The following SRGAP3 variants were observed in gnomAD, a reference collection of about 807,000 sequenced individuals.
SRGAP3 encodes SLIT-ROBO Rho GTPase activating protein 3.
A neutral mutation model predicts 121.1 loss-of-function variants in SRGAP3; 39 were observed. The ratio of observed to expected loss-of-function variants is 0.32; its 90% CI spans 0.25 to 0.42. SRGAP3 has a LOEUF of 0.42. Among genes scored for constraint, SRGAP3 ranks in the 10% least tolerant of loss-of-function variants. The pLI, the probability that SRGAP3 is intolerant of heterozygous loss-of-function variation, is 1.00. For missense variants in SRGAP3, 1,213 were observed against 1,470.6 expected (o/e 0.82, Z 2.86); for synonymous variants, 601 against 570.0 (o/e 1.05, Z -0.77).
At chr3:9,300,049 TC>T (rs1323570190) in intron 3 of SRGAP3, among the ~76,000 whole-genome samples, 1 of 150,332 alleles carries the variant, frequency 6.7e-6, no homozygotes, top group Admixed American at 6.7e-5. Flanking sequence ...GATAGCACCT[TC>T]CTCAAAGGAT....
chr3:9,170,663 A>C (rs866917137), intron 1 of SRGAP3, among the ~76,000 whole-genome samples: 21 of 152,232 alleles, frequency 1.4e-4, no homozygotes, highest in Admixed American at 2.6e-4. Flanking sequence ...TACTCCCAGC[A>C]TACCCTTTCC....
rs184692560 is a variant in SRGAP3, at chr3:9,257,861, C to T, written n.442+68149G>A. Among the ~76,000 whole-genome samples the T allele has an allele frequency of 1.4e-3, 213 of 151,972 alleles. 1 individual carries two copies. Among genetic ancestry groups the T allele is most frequent in the Non-Finnish European group, 2.2e-3 (150 of 67,944 alleles). On this transcript the variant is annotated intron_variant and non_coding_transcript_variant, in intron 3 of 3. Transcript: ENST00000490889. ...CTGGGATTACAGGCACCCACGACCG[C>T]GCCTGGCTAATTTTTGTATTTTTAG...
At chr3:9,216,012 A>G (rs1952605121) in intron 1 of SRGAP3, among the ~76,000 whole-genome samples, 1 of 152,186 alleles carries the variant, frequency 6.6e-6, no homozygotes. Context: ...ACACAGATAG[A>G]TAGGCATATA....
chr3:9,310,889 G>A (rs1027143494), intron 3 of SRGAP3, among the ~76,000 whole-genome samples: 68 of 152,246 alleles, frequency 4.5e-4, no homozygotes, highest in African/African-American at 1.6e-3. Flanking sequence ...TATACAGTCG[G>A]CCAGGTGCTG....
upstream of SRGAP3, among the ~76,000 whole-genome samples, chr3:9,252,671 G>A (rs769146139): frequency 9.2e-5 from 14 of 152,090 alleles, no homozygotes; most frequent in Non-Finnish European, 1.8e-4. Flanking sequence ...ACCTGGGCAG[G>A]CCCCCAGCAC....
chr3:9,164,188 G>A (rs914930009), intron 1 of SRGAP3, among the ~76,000 whole-genome samples: 4 of 150,784 alleles, frequency 2.7e-5, no homozygotes, highest in African/African-American at 9.7e-5. Flanking sequence ...GTATAGACGG[G>A]GTTTCTCCAT....
intron 9 of SRGAP3, among the ~76,000 whole-genome samples, chr3:9,047,783 G>A (rs376693949): frequency 6.6e-5 from 10 of 152,296 alleles, no homozygotes; most frequent in Middle Eastern, 3.4e-3. Flanking sequence ...TAAGGGCCAC[G>A]GGGAGACAAA....
At chr3:9,299,119 T>C (rs1452325112) in intron 3 of SRGAP3, among the ~76,000 whole-genome samples, 1 of 149,322 alleles carries the variant, frequency 6.7e-6, no homozygotes, top group East Asian at 2.0e-4. Context: ...TCACAGCACT[T>C]TGGGAGGCCG....
At chr3:9,163,841 G>C (rs1175599399) in intron 1 of SRGAP3, among the ~76,000 whole-genome samples, 1 of 152,068 alleles carries the variant, frequency 6.6e-6, no homozygotes, top group Non-Finnish European at 1.5e-5. Flanking sequence ...GTCACCACTG[G>C]GGTAGACTCA....
intron 3 of SRGAP3, among the ~76,000 whole-genome samples, chr3:9,307,632 G>T (rs758171313): frequency 1.1e-4 from 16 of 152,182 alleles, no homozygotes; most frequent in Admixed American, 2.0e-4. Context: ...TAAACAAAAT[G>T]TATGTCCATG....
At chr3:9,052,902 G>A (rs1945651092) in intron 9 of SRGAP3, 125 bp downstream of exon 9, 3 of 1,150,464 alleles carry the variant, frequency 2.6e-6, no homozygotes, top group East Asian at 4.9e-5. Flanking sequence ...AAAGCATGGT[G>A]ATGGAGTCTT....
chr3:9,204,930 A>T (rs1952211150), intron 1 of SRGAP3, among the ~76,000 whole-genome samples: 1 of 152,274 alleles, frequency 6.6e-6, no homozygotes, highest in African/African-American at 2.4e-5. Context: ...TACTGGCAGC[A>T]ATGCCCAGGC....
chr3:9,141,499 T>C (rs1342729236), intron 1 of SRGAP3, among the ~76,000 whole-genome samples: 1 of 151,894 alleles, frequency 6.6e-6, no homozygotes, highest in Non-Finnish European at 1.5e-5. Flanking sequence ...TGCAAATTCT[T>C]GCCAATTGAT....
rs1001222808 is a variant in SRGAP3 at position 9,086,956 on chromosome 3, G to C, written c.424-6869C>G. On this transcript the variant is annotated intron_variant, in intron 3 of 21. Transcript: ENST00000383836. ...CCCTTAAGAATCTCCCAGTTTGCTG[G>C]GGTAGAGTCAAGAACACAATTCTAA... is the stretch of plus-strand genomic sequence containing the variant. 2.6e-5 allele frequency among the ~76,000 whole-genome samples: 4 copies of C among 151,098 alleles called. No homozygotes were observed. The South Asian group carries it at 8.4e-4, about 32-fold the overall frequency.
At chr3:9,077,995 TGGG>T (rs1947051610) in intron 4 of SRGAP3, among the ~76,000 whole-genome samples, 3 of 152,132 alleles carry the variant, frequency 2.0e-5, no homozygotes, top group Middle Eastern at 3.2e-3. Context: ...TCCAACATGT[TGGG>T]AGACGGGATA....
At chr3:9,181,929 C>T (rs1575200016) in intron 1 of SRGAP3, among the ~76,000 whole-genome samples, 1 of 152,138 alleles carries the variant, frequency 6.6e-6, no homozygotes, top group Non-Finnish European at 1.5e-5. Flanking sequence ...AATCCCAACA[C>T]TTTGGGAGGC....
intron 1 of SRGAP3, among the ~76,000 whole-genome samples, chr3:9,236,950 T>A (rs62244906): frequency 6.6e-6 from 1 of 152,112 alleles, no homozygotes; most frequent in African/African-American, 2.4e-5. Flanking sequence ...AGGAACTCAA[T>A]TAATAGAATA....
intron 14 of SRGAP3, among the ~76,000 whole-genome samples, chr3:9,021,766 T>C (rs1020233241): frequency 6.6e-6 from 1 of 152,214 alleles, no homozygotes; most frequent in African/African-American, 2.4e-5. Flanking sequence ...ATGGGCACCC[T>C]GCAGGAATTA....
intron 10 of SRGAP3, among the ~76,000 whole-genome samples, chr3:9,045,897 G>T (rs1945248394): frequency 6.6e-6 from 1 of 151,950 alleles, no homozygotes; most frequent in African/African-American, 2.4e-5. Context: ...CCTCTTTAAT[G>T]CTAGTCTTAG....
Sources: allele counts gnomAD v4.1 joint callset (sites outside exome capture counted in the v4.1 genomes callset), GRCh38; gene constraint gnomAD v4.1.1; transcripts MANE v1.5; gene names NCBI Gene and HGNC (gene_info 2026-07-23, HGNC 2026-07-21).